ITGA11: variants seen among roughly 807,000 people sequenced by gnomAD.
ITGA11 encodes integrin alpha-11.
A neutral mutation model predicts 141.9 loss-of-function variants in ITGA11; 97 were observed. The observed-to-expected ratio is 0.68, with a 90% CI of 0.58 to 0.81. ITGA11 has a LOEUF of 0.81. ITGA11 is among the 30% of genes least tolerant of loss of function. ITGA11 has a pLI of 0.00. For synonymous variants in ITGA11, 658 were observed against 624.6 expected (o/e 1.05, Z -0.80); for missense variants, 1,387 against 1,559.2 (o/e 0.89, Z 1.86).
intron 22 of ITGA11, 98 bp downstream of exon 22, chr15:68,315,553 G>T: frequency 9.9e-7 from 1 of 1,009,962 alleles, no homozygotes; most frequent in Non-Finnish European, 1.5e-6. Flanking sequence ...AGGGCGTGGG[G>T]CAGCGGACTC....
chr15:68,359,223 C>T lies in ITGA11; in HGVS notation c.473-638G>A, dbSNP rs1895165233. Among the ~76,000 whole-genome samples, 3 of 151,462 alleles carry T rather than the reference C, an allele frequency of 2.0e-5. No homozygotes were observed. In the South Asian group the frequency reaches 6.2e-4, roughly 31 times the overall value. On this transcript the variant is annotated intron_variant, in intron 5 of 29. Coordinates refer to ENST00000315757, the MANE Select transcript of ITGA11 (RefSeq NM_001004439.2). ...TAAATCTGAACTGATCATGGTTTCA[C>T]TTTTTATTTATTTATTTATTTTTTA...
chr15:68,395,952 T>C (rs1896227605), intron 2 of ITGA11, among the ~76,000 whole-genome samples: 1 of 151,706 alleles, frequency 6.6e-6, no homozygotes, highest in Admixed American at 6.6e-5. Flanking sequence ...ACTAGTGGAT[T>C]ATCCTAAACA....
intron 5 of ITGA11, among the ~76,000 whole-genome samples, chr15:68,359,502 C>T (rs1322058896): frequency 6.6e-6 from 1 of 151,976 alleles, no homozygotes; most frequent in African/African-American, 2.4e-5. Flanking sequence ...AAAAATTAGC[C>T]AGGAGTCGTG....
chr15:68,430,995 C>G (rs536893061), intron 1 of ITGA11, among the ~76,000 whole-genome samples: 1 of 152,372 alleles, frequency 6.6e-6, no homozygotes, highest in South Asian at 2.1e-4. Flanking sequence ...CAGCTCGGGC[C>G]TGGAGCCCAC....
intron 1 of ITGA11, among the ~76,000 whole-genome samples, chr15:68,408,379 T>G (rs1464064012): frequency 6.6e-6 from 1 of 152,102 alleles, no homozygotes; most frequent in African/African-American, 2.4e-5. Context: ...ACTCCATGGA[T>G]GTGACTGTCT....
chr15:68,415,601 G>A (rs1042561218), intron 1 of ITGA11, among the ~76,000 whole-genome samples: 4 of 152,198 alleles, frequency 2.6e-5, no homozygotes, highest in South Asian at 2.1e-4. Flanking sequence ...CTCTGAGCAC[G>A]CCAGTGGTTT....
intron 2 of ITGA11, among the ~76,000 whole-genome samples, chr15:68,383,498 A>G (rs1170102649): frequency 2.0e-5 from 3 of 152,208 alleles, no homozygotes; most frequent in Non-Finnish European, 4.4e-5. Context: ...GTGGTTTTCA[A>G]TAAGAAATTC....
chr15:68,322,498 G>A lies in ITGA11; in HGVS notation c.2323-995C>T, dbSNP rs1280421271. 6.6e-6 allele frequency among the ~76,000 whole-genome samples: 1 copy of A among 152,124 alleles called. No individual in the cohort carries two copies. The highest frequency in any genetic ancestry group is 1.5e-5 in the Non-Finnish European group (1 of 68,014). On this transcript the variant is annotated intron_variant, in intron 18 of 29. Transcript: ENST00000315757. This position sits in a 1 kb window ranked among gnomAD's most constrained non-coding sequence, Gnocchi z 5.6. ...GAACCTGGAGGTTGTCGGGGCTGAGGGAGAAAGGGGTCCAGGGTGTCAGCT... is the reference window on the plus strand; with the variant it reads ...GAACCTGGAGGTTGTCGGGGCTGAGAGAGAAAGGGGTCCAGGGTGTCAGCT...
Position 68,361,669 on chromosome 15 carries a change from G to A in ITGA11, c.393C>T (p.Ser131=), listed in dbSNP as rs968638148. 6.2e-7 allele frequency: 1 copy of A among 1,609,768 alleles called. No homozygotes were observed. Among genetic ancestry groups the A allele is most frequent in the Non-Finnish European group, 8.5e-7 (1 of 1,177,978 alleles). Residue 131 remains serine, a synonymous_variant, in exon 5 of 30, where the codon AGC becomes AGT. Transcript: ENST00000315757. ...AACACATCCCTGTGGTGTAGTAGGA[G>A]CTCCCACACTCATGAGACCAGAGGG... is the stretch of plus-strand genomic sequence containing the variant. ...CSPLWSHECG[S]SYYTTGMCSR...
At chr15:68,363,340 G>T (rs1895311846) in intron 4 of ITGA11, among the ~76,000 whole-genome samples, 1 of 152,180 alleles carries the variant, frequency 6.6e-6, no homozygotes, top group Non-Finnish European at 1.5e-5. Context: ...GTGATAAGGA[G>T]CCTGAGAGGG....
Position 68,303,365 on chromosome 15 carries a change from C to G in ITGA11, c.3496-235G>C, listed in dbSNP as rs2140258515. 6.6e-6 allele frequency among the ~76,000 whole-genome samples: 1 copy of G among 152,296 alleles called. No homozygotes were observed. The highest frequency in any genetic ancestry group is 2.4e-5 in the African/African-American group (1 of 41,556). ...AGTGCCCATCTTGCTGTGTGACCAG[C>G]CCCAGCCAACATCCCTCTCTGGGCC... is the stretch of plus-strand genomic sequence containing the variant. On this transcript the variant is annotated intron_variant, in intron 29 of 29. Coordinates refer to ENST00000315757, the MANE Select transcript of ITGA11 (RefSeq NM_001004439.2). The surrounding 1 kb of genome is among the most constrained non-coding windows in gnomAD (Gnocchi z 5.3).
At chr15:68,382,239 G>C (rs16951999) in intron 2 of ITGA11, among the ~76,000 whole-genome samples, 12,407 of 152,176 alleles carry the variant, frequency 0.082, 777 homozygotes, top group African/African-American at 0.17. Context: ...TCCTCCTCCT[G>C]GGTTATAAAA....
intron 5 of ITGA11, among the ~76,000 whole-genome samples, chr15:68,360,646 C>T (rs192021624): frequency 6.6e-6 from 1 of 152,322 alleles, no homozygotes; most frequent in Non-Finnish European, 1.5e-5. Context: ...AGGATGGTCA[C>T]ATCTAGGCCT....
intron 7 of ITGA11, among the ~76,000 whole-genome samples, chr15:68,356,535 T>C (rs1003569460): frequency 6.6e-6 from 1 of 152,148 alleles, no homozygotes; most frequent in African/African-American, 2.4e-5. Context: ...AGAACCTACT[T>C]CTTATAGAGT....
rs201167323 is a variant in ITGA11, at chr15:68,313,886, C to A, written c.2793-18G>T. On this transcript the variant is annotated intron_variant, in intron 22 of 29. Transcript: ENST00000315757. Reference sequence around the variant, plus strand: ...TACTGTCACTGCAAGGAGAGCCAGGCGGCAAGGTCAGGAAGGGGCTCAGCC... The same window carrying A: ...TACTGTCACTGCAAGGAGAGCCAGGAGGCAAGGTCAGGAAGGGGCTCAGCC... The A allele has an allele frequency of 1.2e-6, 2 of 1,609,024 alleles. No homozygotes were observed. Among genetic ancestry groups the A allele is most frequent in the Non-Finnish European group, 8.5e-7 (1 of 1,175,552 alleles).
At position 68,331,038 on chromosome 15, in the gene ITGA11, T is replaced by C. The variant is rs745366518; in HGVS notation, c.1844A>G (p.Asn615Ser). Residue 615 changes from asparagine to serine, a missense_variant, in exon 15 of 30, where the codon AAT (asparagine) becomes AGT (serine). Physicochemically the swap from Asn to Ser is conservative, Grantham distance 46. Coordinates refer to ENST00000315757, the MANE Select transcript of ITGA11 (RefSeq NM_001004439.2). The stretch of plus-strand genomic sequence containing the variant: ...TGCCAGGTCGATGAGCCCATCCTCA[T>C]TGAGGTCCAATTGCCCGTGGATGCT... ...GCSIHGQLDL[N>S]EDGLIDLAVG... 41 of 1,613,326 alleles carry C rather than the reference T, an allele frequency of 2.5e-5. No individual in the cohort carries two copies. Among genetic ancestry groups the C allele is most frequent in the East Asian group, 1.8e-4 (8 of 44,866 alleles).
intron 2 of ITGA11, among the ~76,000 whole-genome samples, chr15:68,370,534 G>A (rs964880627): frequency 2.6e-5 from 4 of 152,202 alleles, no homozygotes; most frequent in South Asian, 4.1e-4. Context: ...TCTGTGGCAC[G>A]TGACTCTGGC....
intron 2 of ITGA11, among the ~76,000 whole-genome samples, chr15:68,383,764 C>T (rs1407260026): frequency 6.6e-6 from 1 of 152,200 alleles, no homozygotes. Flanking sequence ...TTCTCCACCT[C>T]ATGTGGAAAG....
chr15:68,385,312 C>T (rs2140382606), intron 2 of ITGA11, among the ~76,000 whole-genome samples: 1 of 152,330 alleles, frequency 6.6e-6, no homozygotes, highest in Non-Finnish European at 1.5e-5. Flanking sequence ...TGTGTGTGCC[C>T]CGAGACAGCA....
Sources: gnomAD v4.1 joint callset for allele counts (sites outside exome capture counted in the v4.1 genomes callset) on GRCh38, gnomAD v4.1.1 for gene constraint, Gnocchi (gnomAD v3.1) non-coding constraint, MANE v1.5 for transcripts, NCBI Gene and HGNC (gene_info 2026-07-23, HGNC 2026-07-21) for gene names.